YEATS4: variants seen among roughly 807,000 people sequenced by gnomAD.
The protein encoded by YEATS4 is YEATS domain containing 4, also known as YEATS domain-containing protein 4.
In YEATS4, 17 loss-of-function variants were observed where a neutral mutation model predicts 30.1. That is an observed-to-expected ratio of 0.56 (90% CI 0.39 to 0.85). The LOEUF is 0.85. Among genes scored for constraint, YEATS4 ranks in the 40% least tolerant of loss-of-function variants. The probability of loss-of-function intolerance (pLI) is 0.00; values close to 1 mark genes in which losing one functional copy is unlikely to be tolerated. For missense variants in YEATS4, 142 were observed against 268.3 expected, an observed-to-expected ratio of 0.53 and a Z score of 3.29; for synonymous variants, 85 against 87.5, an observed-to-expected ratio of 0.97 and a Z score of 0.16.
chr12:69,362,013 GTTTTTTTTTTT>G (rs533225716), intron 1 of YEATS4, among the ~76,000 whole-genome samples: 1 of 69,080 alleles, frequency 1.4e-5, no homozygotes. Flanking sequence ...GTGTTTGGTT[GTTTTTTTTTTT>G]TTTTTTTTTT....
the YEATS4 span, among the ~76,000 whole-genome samples, chr12:69,413,517 C>CA: frequency 1.4e-5 from 2 of 138,554 alleles, no homozygotes; most frequent in Non-Finnish European, 3.1e-5. Flanking sequence ...AACGCCCCCC[C>CA]CATCTCCATC....
chr12:69,377,098 ATTTG>A (rs1875901657), intron 6 of YEATS4, among the ~76,000 whole-genome samples: 1 of 152,012 alleles, frequency 6.6e-6, no homozygotes, highest in Non-Finnish European at 1.5e-5. Flanking sequence ...CTGGCTAAAA[ATTTG>A]TCAGTTTTGT....
intron 1 of YEATS4, chr12:69,361,239 TTATGTGTGTGTG>T (rs1246539531): frequency 8.3e-5 from 11 of 131,948 alleles, no homozygotes; most frequent in African/African-American, 3.4e-4. Flanking sequence ...TTTAAAATAC[TTATGTGTGTGTG>T]TGTGTGTGTG....
chr12:69,411,105 G>T, the YEATS4 span, among the ~76,000 whole-genome samples: 1 of 152,122 alleles, frequency 6.6e-6, no homozygotes, highest in Non-Finnish European at 1.5e-5. Context: ...TAAGCACCTT[G>T]TGTGTACCAA....
intron 6 of YEATS4, among the ~76,000 whole-genome samples, chr12:69,383,113 A>C (rs1380636420): frequency 1.3e-5 from 2 of 152,078 alleles, no homozygotes; most frequent in Non-Finnish European, 2.9e-5. Flanking sequence ...AAATTTTTTT[A>C]ATTTTCTGGG....
chr12:69,366,272 G>T (rs1432643544), intron 4 of YEATS4, among the ~76,000 whole-genome samples: 1 of 151,950 alleles, frequency 6.6e-6, no homozygotes, highest in Non-Finnish European at 1.5e-5. Context: ...TTTTTAAGCT[G>T]TCATCAGTAC....
At chr12:69,406,485 G>T in the YEATS4 span, among the ~76,000 whole-genome samples, 1 of 151,966 alleles carries the variant, frequency 6.6e-6, no homozygotes, top group African/African-American at 2.4e-5. Context: ...ATGCCACTAT[G>T]CCTGGATAAT....
rs754781234 is a variant in YEATS4, at chr12:69,370,958, A to G, written c.497A>G (p.Tyr166Cys). 1.9e-6 allele frequency: 3 copies of G among 1,611,916 alleles called. No homozygotes were observed. The highest frequency in any genetic ancestry group is 2.2e-5 in the East Asian group (1 of 44,824). The change falls in exon 6 of 7, where the codon TAT becomes TGT. Residue 166 changes from tyrosine to cysteine, a missense_variant. This residue lies in a region of YEATS4 where 53 missense variants were observed against 68.6 expected (regional missense o/e 0.77). Transcript: ENST00000247843. ...TCTCGTCAGCTAACATTAGGAGCCT[A>G]TAAGCATGAAACAGAATGTAAGTGC... ...TTSRQLTLGA[Y>C]KHETEFAELE... is the part of the protein sequence containing the mutation.
At chr12:69,369,626 C>T (rs924286376) in intron 4 of YEATS4, among the ~76,000 whole-genome samples, 10 of 152,196 alleles carry the variant, frequency 6.6e-5, no homozygotes, top group African/African-American at 2.4e-4. Flanking sequence ...TGGTTTTTCT[C>T]TGGTGTCATT....
At chr12:69,367,164 T>G (rs939446070) in intron 4 of YEATS4, among the ~76,000 whole-genome samples, 4 of 152,246 alleles carry the variant, frequency 2.6e-5, no homozygotes, top group Non-Finnish European at 5.9e-5. Flanking sequence ...TGGGGTAGTT[T>G]TAGTTTTAAG....
chr12:69,424,942 G>A, the YEATS4 span, among the ~76,000 whole-genome samples: 17,934 of 151,934 alleles, frequency 0.12, 1,891 homozygotes, highest in African/African-American at 0.28. Context: ...ATTTTGAGAC[G>A]GAGTTTTGCT....
Position 69,390,193 on chromosome 12 carries a change from GA to G in YEATS4, c.568del (p.Thr190GlnfsTer12), listed in dbSNP as rs1167133930. 5 of 1,597,104 alleles carry G rather than the reference GA, an allele frequency of 3.1e-6. No individual in the cohort carries two copies. Among genetic ancestry groups the G allele is most frequent in the Admixed American group, 1.8e-5 (1 of 55,258 alleles). ...CCAGAGAAAAATTAGAAGCTGCTAAGAAAAAAACAAGCTTTGAGATTGCAGA... is the reference window on the plus strand; with the variant it reads ...CCAGAGAAAAATTAGAAGCTGCTAAGAAAAAACAAGCTTTGAGATTGCAGA... Reference protein sequence around the residue: ...KTREKLEAAKKKTSFEIAELK... With the variant: ...KTREKLEAAKXKTSFEIAELK... On this transcript the variant is annotated frameshift_variant, in exon 7 of 7. Transcript: ENST00000247843. LOFTEE classifies it high-confidence loss of function.
the YEATS4 span, among the ~76,000 whole-genome samples, chr12:69,424,718 G>A: frequency 6.6e-5 from 10 of 151,862 alleles, no homozygotes; most frequent in Non-Finnish European, 7.4e-5. Context: ...CTTCCCTCCC[G>A]CCACCTTGTG....
At chr12:69,406,892 G>T in the YEATS4 span, among the ~76,000 whole-genome samples, 14 of 151,920 alleles carry the variant, frequency 9.2e-5, no homozygotes, top group South Asian at 2.9e-3. Flanking sequence ...ACAGCTCACT[G>T]CAGCCTCGAC....
chr12:69,371,018 GTAA>G, intron 6 of YEATS4, 43 bp downstream of exon 6: 1 of 1,568,998 alleles, frequency 6.4e-7, no homozygotes. Context: ...AACGTATTCT[GTAA>G]TAGTGAAAGG....
chr12:69,361,789 C>T (rs1213561519), intron 1 of YEATS4, among the ~76,000 whole-genome samples: 1 of 152,158 alleles, frequency 6.6e-6, no homozygotes, highest in African/African-American at 2.4e-5. Flanking sequence ...TGCCTTTGCA[C>T]TTATCAGATA....
intron 1 of YEATS4, 103 bp from the exon 2 acceptor site, chr12:69,362,685 A>G: frequency 1.2e-6 from 1 of 852,986 alleles, no homozygotes. Context: ...CAAACTATAG[A>G]TTGTTAGCCT....
At chr12:69,394,078 CA>C (rs1868334439), downstream of YEATS4, among the ~76,000 whole-genome samples, 1 of 152,040 alleles carries the variant, frequency 6.6e-6, no homozygotes, top group Non-Finnish European at 1.5e-5. Flanking sequence ...GAGGAAAAAA[CA>C]AAGGGGGCAG....
At chr12:69,424,062 A>G in the YEATS4 span, among the ~76,000 whole-genome samples, 1 of 152,288 alleles carries the variant, frequency 6.6e-6, no homozygotes, top group East Asian at 1.9e-4. Context: ...TCATGAGGCA[A>G]TCAACCTAAG....
Sources: gnomAD v4.1 joint callset for allele counts (sites outside exome capture counted in the v4.1 genomes callset) on GRCh38, gnomAD v4.1.1 for gene constraint, gnomAD v4.1.1 regional missense constraint, MANE v1.5 for transcripts, NCBI Gene and HGNC (gene_info 2026-07-23, HGNC 2026-07-21) for gene names.